HDAC3: variants seen among roughly 807,000 people sequenced by gnomAD.
The protein encoded by HDAC3 is SMAP45.
Under a neutral mutation model 62.3 loss-of-function variants are expected in HDAC3, and 21 were observed. The ratio of observed to expected loss-of-function variants is 0.34; its 90% CI spans 0.24 to 0.49. HDAC3 has a LOEUF of 0.49. HDAC3 is among the 20% of genes least tolerant of loss of function. The pLI is 0.99. For synonymous variants in HDAC3, 198 were observed against 206.5 expected, an observed-to-expected ratio of 0.96 and a Z score of 0.35; for missense variants, 270 against 556.9, an observed-to-expected ratio of 0.48 and a Z score of 5.19.
In HDAC3 at chr5:141,629,782, C is replaced by A. The variant is rs757475506; in HGVS notation, c.421-43G>T. The A allele has an allele frequency of 1.9e-6, 3 of 1,612,332 alleles. No homozygotes were observed. The highest frequency in any genetic ancestry group is 4.5e-5 in the East Asian group (2 of 44,876). ...TCTCATAAAGAGAAGAGCAATTCCC[C>A]TCCCAGCTGCCCCCCACCATCATCC... On this transcript the variant is annotated intron_variant, in intron 5 of 14. Transcript: ENST00000305264. The surrounding 1 kb of genome is among the most constrained non-coding windows in gnomAD (Gnocchi z 5.3).
At chr5:141,627,447 CCTT>C (rs2099904599) in intron 10 of HDAC3, among the ~76,000 whole-genome samples, 1 of 152,166 alleles carries the variant, frequency 6.6e-6, no homozygotes, top group African/African-American at 2.4e-5. Flanking sequence ...ATGACTCACT[CCTT>C]CTTAGTCTCC....
At chr5:141,624,090 G>A (rs1480316121) in intron 14 of HDAC3, among the ~76,000 whole-genome samples, 1 of 145,892 alleles carries the variant, frequency 6.9e-6, no homozygotes, top group African/African-American at 2.6e-5. Flanking sequence ...TATCCCACCC[G>A]AAAAAATTAA....
Position 141,626,788 on chromosome 5 carries a change from A to G in HDAC3, c.831-505T>C, listed in dbSNP as rs374763242. ...TATATATGTGTGTGTGTGTGTGTATATATATATATATACACACACACACAC... is the reference window on the plus strand; with the variant it reads ...TATATATGTGTGTGTGTGTGTGTATGTATATATATATACACACACACACAC... On this transcript the variant is annotated intron_variant, in intron 10 of 14. Coordinates refer to ENST00000305264, the MANE Select transcript of HDAC3 (RefSeq NM_003883.4). The surrounding 1 kb of genome is among the most constrained non-coding windows in gnomAD (Gnocchi z 4.6). 0.071 allele frequency among the ~76,000 whole-genome samples: 9,388 copies of G among 131,554 alleles called. 366 individuals carry two copies. Among genetic ancestry groups the G allele is most frequent in the South Asian group, 0.14 (568 of 4,182 alleles). The allele number at this position is 131,554 out of a possible 152,430, so 86.3% of individuals were successfully genotyped here. A position where few individuals can be genotyped will look rare whatever the true frequency, so the allele number is the denominator to read the frequency against.
In HDAC3 at chr5:141,625,417, C is replaced by T. The variant is rs570574214; in HGVS notation, c.1060-52G>A. 926 of 1,593,146 alleles carry T rather than the reference C, an allele frequency of 5.8e-4. 7 individuals carry two copies. Among genetic ancestry groups the T allele is most frequent in the Non-Finnish European group, 5.0e-5 (58 of 1,162,290 alleles). On this transcript the variant is annotated intron_variant, in intron 13 of 14. Transcript: ENST00000305264. The surrounding 1 kb of genome is among the most constrained non-coding windows in gnomAD (Gnocchi z 4.0). ...GAGCAGTTTCCAGAGATTCCCAGGA[C>T]ATGGAATCTCCTAGCTGCCTTTTAC... is the stretch of plus-strand genomic sequence containing the variant.
Position 141,621,188 on chromosome 5 carries a change from A to C in HDAC3, c.*280T>G, listed in dbSNP as rs2099903657. ...GGGAAGCAGGGAAGAAATAAGGGGC[A>C]AGGGGGGCTAGGGACTGGCCTCCAG... On this transcript the variant is annotated 3_prime_UTR_variant, in exon 15 of 15. Coordinates refer to ENST00000305264, the MANE Select transcript of HDAC3 (RefSeq NM_003883.4). 2.6e-6 allele frequency: 1 copy of C among 385,412 alleles called. No homozygotes were observed. Among genetic ancestry groups the C allele is most frequent in the Non-Finnish European group, 4.7e-6 (1 of 212,122 alleles). 23.9% of individuals were successfully genotyped at this position (385,412 alleles called of 1,614,324 possible). A position where few individuals can be genotyped will look rare whatever the true frequency, so the allele number is the denominator to read the frequency against.
At chr5:141,622,808 A>G (rs2099903900) in intron 14 of HDAC3, among the ~76,000 whole-genome samples, 1 of 151,958 alleles carries the variant, frequency 6.6e-6, no homozygotes, top group South Asian at 2.1e-4. Context: ...TAGCCATGTG[A>G]CCTTCAGAAA....
In HDAC3 at chr5:141,628,138, G is replaced by A; in HGVS notation, c.741C>T (p.Tyr247=). 1.9e-6 allele frequency: 3 copies of A among 1,614,170 alleles called. No individual in the cohort carries two copies. The highest frequency in any genetic ancestry group is 2.5e-6 in the Non-Finnish European group (3 of 1,180,026). Reference sequence around the variant, plus strand: ...CCTGGAGCACAATGCACGTGGGTTGGTAGAAGTCCACTACCTGGTTGATAA... The same window carrying A: ...CCTGGAGCACAATGCACGTGGGTTGATAGAAGTCCACTACCTGGTTGATAA... The part of the protein sequence containing the change: ...QPVINQVVDF[Y]QPTCIVLQCG... The change falls in exon 9 of 15, where the codon TAC becomes TAT. Residue 247 remains tyrosine (Y), a synonymous_variant. Transcript: ENST00000305264. This position sits in a 1 kb window ranked among gnomAD's most constrained non-coding sequence, Gnocchi z 4.7.
rs774820949 is a variant in HDAC3 at position 141,628,623 on chromosome 5, G to A, written c.627C>T (p.Val209=). ...FFPGTGDMYE[V]GAESGRYYCL... ...AGTAGTAGCGGCCACTCTCTGCCCC[G>A]ACTTCATACATGTCACCTGTAGGGA... The change falls in exon 8 of 15, where the codon GTC becomes GTT. Residue 209 remains valine, a synonymous_variant. Transcript: ENST00000305264. The surrounding 1 kb of genome is among the most constrained non-coding windows in gnomAD (Gnocchi z 4.7). 1.2e-5 allele frequency: 20 copies of A among 1,613,834 alleles called. No individual in the cohort carries two copies. Among genetic ancestry groups the A allele is most frequent in the Non-Finnish European group, 1.4e-5 (16 of 1,179,926 alleles).
At position 141,628,409 on chromosome 5, in the gene HDAC3, G is replaced by A. The variant is rs922110195; in HGVS notation, c.691+150C>T. The A allele has an allele frequency of 2.7e-6, 2 of 751,484 alleles. No homozygotes were observed. Among genetic ancestry groups the A allele is most frequent in the African/African-American group, 1.8e-5 (1 of 56,400 alleles). The allele number at this position is 751,484 out of a possible 1,614,324, so 46.6% of individuals were successfully genotyped here. On this transcript the variant is annotated intron_variant, in intron 8 of 14. Coordinates refer to ENST00000305264, the MANE Select transcript of HDAC3 (RefSeq NM_003883.4). This position sits in a 1 kb window ranked among gnomAD's most constrained non-coding sequence, Gnocchi z 4.7. ...AAAATGCACATACACATGATATGTT[G>A]CATACAATTTCCAGAGATTCATGGT...
chr5:141,625,949 G>C lies in HDAC3; in HGVS notation c.979+64C>G. On this transcript the variant is annotated intron_variant, in intron 12 of 14. Transcript: ENST00000305264. The surrounding 1 kb of genome is among the most constrained non-coding windows in gnomAD (Gnocchi z 4.0). Reference sequence around the variant, plus strand: ...AAATTTCCCATGTGCCTTCAAACCAGGTCATTCTGGAATCTGGTGAGAATG... The same window carrying C: ...AAATTTCCCATGTGCCTTCAAACCACGTCATTCTGGAATCTGGTGAGAATG... 1 of 1,476,718 alleles carries C rather than the reference G, an allele frequency of 6.8e-7. No individual in the cohort carries two copies. Among genetic ancestry groups the C allele is most frequent in the Non-Finnish European group, 9.5e-7 (1 of 1,054,834 alleles). The allele number at this position is 1,476,718 out of a possible 1,614,324, so 91.5% of individuals were successfully genotyped here.
At chr5:141,633,646 TG>T (rs1201587989) in intron 3 of HDAC3, among the ~76,000 whole-genome samples, 1 of 151,832 alleles carries the variant, frequency 6.6e-6, no homozygotes, top group Non-Finnish European at 1.5e-5. Context: ...ACCAACATAG[TG>T]AAACCCCATC....
Position 141,628,056 on chromosome 5 carries a change from T to C in HDAC3, c.765+58A>G. 6.2e-7 allele frequency: 1 copy of C among 1,601,832 alleles called. No homozygotes were observed. Among genetic ancestry groups the C allele is most frequent in the East Asian group, 2.2e-5 (1 of 44,814 alleles). On this transcript the variant is annotated intron_variant, in intron 9 of 14. Transcript: ENST00000305264. This position sits in a 1 kb window ranked among gnomAD's most constrained non-coding sequence, Gnocchi z 4.7. The stretch of plus-strand genomic sequence containing the variant: ...CCAACCTAAAGAACCTCCTCTTCCC[T>C]TGCTCTCTTTCCCCAAGCCCAGGCA...
At position 141,625,689 on chromosome 5, in the gene HDAC3, C is replaced by G; in HGVS notation, c.1055G>C (p.Arg352Pro). The change falls in exon 13 of 15, where the codon CGC becomes CCC. Residue 352 changes from arginine (R) to proline (P), a missense_variant. By Grantham distance (103) the Arg-to-Pro change is moderately radical. Coordinates refer to ENST00000305264, the MANE Select transcript of HDAC3 (RefSeq NM_003883.4). This position sits in a 1 kb window ranked among gnomAD's most constrained non-coding sequence, Gnocchi z 4.0. ...VSTRIENQNS[R>P]QYLDQIRQTI... The stretch of plus-strand genomic sequence containing the variant: ...CAGCTTTTCTGAGCTGCTGACCTGG[C>G]GTGAGTTCTGATTCTCGATGCGGGT... 1 of 1,614,014 alleles carries G rather than the reference C, an allele frequency of 6.2e-7. No homozygotes were observed. The highest frequency in any genetic ancestry group is 8.5e-7 in the Non-Finnish European group (1 of 1,179,908).
rs145955914 is a variant in HDAC3 at position 141,628,268 on chromosome 5, G to A, written c.692-81C>T. On this transcript the variant is annotated intron_variant, in intron 8 of 14. Transcript: ENST00000305264. The surrounding 1 kb of genome is among the most constrained non-coding windows in gnomAD (Gnocchi z 4.7). ...AACAAAAGGAAAAAGGGGGTTGAGCGAGCATGTAGCCCAGGAAAGGGGCCA... is the reference window on the plus strand; with the variant it reads ...AACAAAAGGAAAAAGGGGGTTGAGCAAGCATGTAGCCCAGGAAAGGGGCCA... 9,845 of 1,233,416 alleles carry A rather than the reference G, an allele frequency of 8.0e-3. 67 individuals carry two copies. Among genetic ancestry groups the A allele is most frequent in the Non-Finnish European group, 8.4e-3 (7,094 of 841,708 alleles). 76.4% of individuals were successfully genotyped at this position (1,233,416 alleles called of 1,614,324 possible).
At position 141,626,367 on chromosome 5, in the gene HDAC3, C is replaced by T. The variant is rs77354213; in HGVS notation, c.831-84G>A. 1.1e-4 allele frequency: 102 copies of T among 924,010 alleles called. No individual in the cohort carries two copies. In the African/African-American group the frequency reaches 1.6e-3, roughly 14 times the overall value. 57.2% of individuals were successfully genotyped at this position (924,010 alleles called of 1,614,324 possible). A position where few individuals can be genotyped will look rare whatever the true frequency, so the allele number is the denominator to read the frequency against. ...CTTTAGGTATTGCCTGAAAGGAGCA[C>T]AAGAAAACTATAAATGTTCTAAATC... On this transcript the variant is annotated intron_variant, in intron 10 of 14. Coordinates refer to ENST00000305264, the MANE Select transcript of HDAC3 (RefSeq NM_003883.4). The surrounding 1 kb of genome is among the most constrained non-coding windows in gnomAD (Gnocchi z 4.6).
Position 141,626,286 on chromosome 5 carries a change from G to C in HDAC3, c.831-3C>G, listed in dbSNP as rs754455022. ...TCTTGACATATTCAACGCATTCCCT[G>C]TTAAAAGGAACCAGAGGAAGATGTG... On this transcript the variant is annotated splice_polypyrimidine_tract_variant and splice_region_variant and intron_variant, in intron 10 of 14. Transcript: ENST00000305264. The surrounding 1 kb of genome is among the most constrained non-coding windows in gnomAD (Gnocchi z 4.6). 1 of 1,612,332 alleles carries C rather than the reference G, an allele frequency of 6.2e-7. No homozygotes were observed. The highest frequency in any genetic ancestry group is 1.1e-5 in the South Asian group (1 of 91,028).
At position 141,625,984 on chromosome 5, in the gene HDAC3, T is replaced by C. The variant is rs1186941289; in HGVS notation, c.979+29A>G. ...GAATCTGGTGAGAATGGCCTTCCTG[T>C]TATGGGGGTGTTGTGGGGTGGTCCT... On this transcript the variant is annotated intron_variant, in intron 12 of 14. Coordinates refer to ENST00000305264, the MANE Select transcript of HDAC3 (RefSeq NM_003883.4). The surrounding 1 kb of genome is among the most constrained non-coding windows in gnomAD (Gnocchi z 4.0). 1 of 1,586,918 alleles carries C rather than the reference T, an allele frequency of 6.3e-7. No individual in the cohort carries two copies. The highest frequency in any genetic ancestry group is 8.7e-7 in the Non-Finnish European group (1 of 1,155,434).
chr5:141,625,455 G>T lies in HDAC3; in HGVS notation c.1060-90C>A. The T allele has an allele frequency of 1.4e-6, 2 of 1,437,718 alleles. No homozygotes were observed. The allele number at this position is 1,437,718 out of a possible 1,614,324, so 89.1% of individuals were successfully genotyped here. A position where few individuals can be genotyped will look rare whatever the true frequency, so the allele number is the denominator to read the frequency against. ...AGCTGCCTTTTACCCCTACCATACT[G>T]GTTTTCATCTCAGTGGTACCTCTAG... On this transcript the variant is annotated intron_variant, in intron 13 of 14. Coordinates refer to ENST00000305264, the MANE Select transcript of HDAC3 (RefSeq NM_003883.4). This position sits in a 1 kb window ranked among gnomAD's most constrained non-coding sequence, Gnocchi z 4.0.
chr5:141,626,034 T>C lies in HDAC3; in HGVS notation c.958A>G (p.Ser320Gly). The change falls in exon 12 of 15, where the codon AGT (serine) becomes GGT (glycine). Residue 320 changes from serine to glycine, a missense_variant. Coordinates refer to ENST00000305264, the MANE Select transcript of HDAC3 (RefSeq NM_003883.4). This position sits in a 1 kb window ranked among gnomAD's most constrained non-coding sequence, Gnocchi z 4.6. Reference sequence around the variant, plus strand: ...TTACCACTATAGGGAAGCTCCTCACTAATGGCCTCTTCTACCAGCAGCGAT... The same window carrying C: ...TTACCACTATAGGGAAGCTCCTCACCAATGGCCTCTTCTACCAGCAGCGAT... ...ETSLLVEEAI[S>G]EELPYSEYFE... is the part of the protein sequence containing the mutation. 1 of 1,614,024 alleles carries C rather than the reference T, an allele frequency of 6.2e-7. No homozygotes were observed. The highest frequency in any genetic ancestry group is 2.2e-5 in the East Asian group (1 of 44,880).
Sources: allele counts gnomAD v4.1 joint callset (sites outside exome capture counted in the v4.1 genomes callset), GRCh38; gene constraint gnomAD v4.1.1; non-coding constraint Gnocchi (gnomAD v3.1); transcripts MANE v1.5; gene names NCBI Gene and HGNC (gene_info 2026-07-23, HGNC 2026-07-21).